The following RBFOX1 variants were observed in gnomAD, a reference collection of about 807,000 sequenced individuals.
RBFOX1 encodes the protein RNA binding fox-1 homolog 1, also known as RNA binding protein fox-1 homolog 1.
RBFOX1 carries 8 observed loss-of-function variants against 57.7 expected under a neutral mutation model. The observed-to-expected ratio is 0.14, with a 90% CI of 0.08 to 0.25. The LOEUF (loss-of-function observed/expected upper bound fraction) is 0.25, where lower values mean the gene tolerates loss of function less well. Ranked by LOEUF, RBFOX1 falls within the 10% of genes least tolerant of loss-of-function variation. The pLI is 1.00. For synonymous variants in RBFOX1, 326 were observed against 222.4 expected (o/e 1.47, Z -4.15); for missense variants, 611 against 548.5 (o/e 1.11, Z -1.14).
intron 2 of RBFOX1, among the ~76,000 whole-genome samples, chr16:6,434,124 G>A (rs957820714): frequency 1.3e-5 from 2 of 151,912 alleles, no homozygotes; most frequent in Non-Finnish European, 2.9e-5. Flanking sequence ...TTGAGGTTAC[G>A]GGTGTGAGCC....
rs751482473 is a variant in RBFOX1, at chr16:5,540,605, CT to C, written c.259-58296del. 1.1e-4 allele frequency among the ~76,000 whole-genome samples: 16 copies of C among 152,290 alleles called. No individual in the cohort carries two copies. The South Asian group carries it at 2.7e-3, about 26-fold the overall frequency. On this transcript the variant is annotated intron_variant, in intron 2 of 2. Transcript: ENST00000585867. ...TCTCAAATTGTGGCTCATGAACTGC[CT>C]GTGTCAGAATCACCTGACGCGTTTG... is the stretch of plus-strand genomic sequence containing the variant.
intron 3 of RBFOX1, among the ~76,000 whole-genome samples, chr16:5,773,002 C>T (rs1299031628): frequency 1.3e-5 from 2 of 151,914 alleles, no homozygotes; most frequent in African/African-American, 4.8e-5. Context: ...AGCCTTCTGG[C>T]AGGGAGAAAT....
intron 2 of RBFOX1, among the ~76,000 whole-genome samples, chr16:6,643,331 A>G (rs4786901): frequency 0.56 from 85,514 of 152,078 alleles, 25,506 homozygotes; most frequent in South Asian, 0.81. Context: ...TGGAAAAGGA[A>G]GTGAATAAAA....
intron 4 of RBFOX1, among the ~76,000 whole-genome samples, chr16:7,225,095 G>C (rs1056329568): frequency 1.3e-5 from 2 of 152,142 alleles, no homozygotes; most frequent in African/African-American, 4.8e-5. Context: ...CCAATATCAG[G>C]TGTTCCAAAA....
At chr16:5,485,313 T>C (rs1431527641) in intron 2 of RBFOX1, among the ~76,000 whole-genome samples, 2 of 117,110 alleles carry the variant, frequency 1.7e-5, no homozygotes, top group Admixed American at 2.5e-4. Context: ...GCCACTGCAC[T>C]CCAGCCTGGG....
intron 1 of RBFOX1, among the ~76,000 whole-genome samples, chr16:5,319,125 T>TCAAACAAACAAACAAA (rs112510210): frequency 1.3e-5 from 2 of 151,170 alleles, no homozygotes; most frequent in African/African-American, 4.9e-5. Context: ...AGACTCTGTC[T>TCAAACAAACAAACAAA]CAAACAAACA....
intron 3 of RBFOX1, among the ~76,000 whole-genome samples, chr16:6,898,953 T>C (rs1238624001): frequency 1.3e-5 from 2 of 151,772 alleles, no homozygotes; most frequent in Non-Finnish European, 2.9e-5. Flanking sequence ...ATGTGTATAA[T>C]ACATTGTGTA....
At chr16:6,637,539 T>C (rs1282320167) in intron 2 of RBFOX1, among the ~76,000 whole-genome samples, 2 of 24,960 alleles carry the variant, frequency 8.0e-5, no homozygotes, top group East Asian at 1.5e-3. Context: ...GTATAGTATA[T>C]ACAATCTGCA....
At chr16:6,969,205 T>C (rs1312398524) in intron 3 of RBFOX1, among the ~76,000 whole-genome samples, 7 of 152,252 alleles carry the variant, frequency 4.6e-5, no homozygotes, top group African/African-American at 1.7e-4. Context: ...ACATTCCCAG[T>C]CCTTCACCTG....
At chr16:5,856,202 T>TACAC (rs1567630940) in intron 3 of RBFOX1, among the ~76,000 whole-genome samples, 3 of 45,230 alleles carry the variant, frequency 6.6e-5, no homozygotes, top group African/African-American at 2.0e-4. Context: ...TATATATATA[T>TACAC]ATATACATAT....
chr16:5,897,537 T>C (rs969094594), intron 4 of RBFOX1, among the ~76,000 whole-genome samples: 3 of 152,180 alleles, frequency 2.0e-5, no homozygotes, highest in South Asian at 2.1e-4. Flanking sequence ...TGGGAAAATA[T>C]ATAGTGATGA....
chr16:5,998,203 T>C lies in RBFOX1; in HGVS notation c.351+130868T>C, dbSNP rs548467913. On this transcript the variant is annotated intron_variant, in intron 4 of 19. Transcript: ENST00000641259. ...TTTGTTTTGTTCTGGGGAAAATTCA[T>C]GAACATACACTAGATTCCTCTGATG... 2.0e-5 allele frequency among the ~76,000 whole-genome samples: 3 copies of C among 152,356 alleles called. No homozygotes were observed. In the East Asian group the frequency reaches 5.8e-4, roughly 29 times the overall value.
In RBFOX1 at chr16:5,402,917, C is replaced by G. The variant is rs60166848; in HGVS notation, c.220-64299C>G. Among the ~76,000 whole-genome samples the G allele has an allele frequency of 4.9e-3, 743 of 152,308 alleles. 11 individuals carry two copies. Among genetic ancestry groups the G allele is most frequent in the African/African-American group, 0.017 (709 of 41,556 alleles). On this transcript the variant is annotated intron_variant, in intron 1 of 2. Coordinates refer to the RBFOX1 transcript ENST00000585867. ...AGATAATTAACAACCAGAAAATAAA[C>G]AGTAAAATATCAGTGCAGCATTTAT... is the stretch of plus-strand genomic sequence containing the variant.
At chr16:7,097,251 T>C (rs2061858795) in intron 4 of RBFOX1, among the ~76,000 whole-genome samples, 1 of 152,032 alleles carries the variant, frequency 6.6e-6, no homozygotes, top group African/African-American at 2.4e-5. Flanking sequence ...GGTGTGGTGG[T>C]TAGAAGGCCA....
At chr16:6,510,801 C>G (rs919122853) in intron 2 of RBFOX1, among the ~76,000 whole-genome samples, 5 of 151,440 alleles carry the variant, frequency 3.3e-5, no homozygotes, top group African/African-American at 1.2e-4. Context: ...TGGCGGACTG[C>G]TAAAGGTTTT....
At chr16:6,987,053 C>T (rs1292011520) in intron 3 of RBFOX1, among the ~76,000 whole-genome samples, 1 of 152,068 alleles carries the variant, frequency 6.6e-6, no homozygotes, top group East Asian at 1.9e-4. Context: ...TGTGGAGAGC[C>T]TGCCCTCTTC....
In RBFOX1 at chr16:6,484,022, C is replaced by T. The variant is rs1051234069; in HGVS notation, c.-64+166965C>T. On this transcript the variant is annotated intron_variant, in intron 2 of 15. Coordinates refer to ENST00000550418, the MANE Select transcript of RBFOX1 (RefSeq NM_018723.4). ...TGGACACTTGGAGAGGGCTAGGGGG[C>T]GTTTAGAGGGATTGGGGAGCCCGGA... 17 of 828,526 alleles carry T rather than the reference C, an allele frequency of 2.1e-5. No homozygotes were observed. In the African/African-American group the frequency reaches 3.0e-4, roughly 14 times the overall value. 51.3% of individuals were successfully genotyped at this position (828,526 alleles called of 1,614,324 possible).
chr16:5,467,348 A>G (rs1195902987), intron 2 of RBFOX1: 1 of 1,234,788 alleles, frequency 8.1e-7, no homozygotes, highest in Non-Finnish European at 1.1e-6. Context: ...CTGCAACTTC[A>G]CTGCCCAGGG....
chr16:6,918,319 C>T (rs973439543), intron 3 of RBFOX1, among the ~76,000 whole-genome samples: 10 of 151,334 alleles, frequency 6.6e-5, no homozygotes, highest in African/African-American at 2.4e-4. Flanking sequence ...TTGGGGACTC[C>T]ACCCCAGGCC....
Sources: allele counts gnomAD v4.1 joint callset (sites outside exome capture counted in the v4.1 genomes callset), GRCh38; gene constraint gnomAD v4.1.1; transcripts MANE v1.5; gene names NCBI Gene and HGNC (gene_info 2026-07-23, HGNC 2026-07-21).